The following CA10 variants were observed in gnomAD, a reference collection of about 807,000 sequenced individuals.
CA10 encodes the protein carbonic anhydrase-related protein 10.
CA10 carries 14 observed loss-of-function variants against 44.2 expected under a neutral mutation model. The ratio of observed to expected loss-of-function variants is 0.32; its 90% confidence interval spans 0.21 to 0.50. CA10 has a LOEUF of 0.50. Ranked by LOEUF, CA10 falls within the 20% of genes least tolerant of loss-of-function variation. The probability of loss-of-function intolerance (pLI) is 0.99; values close to 1 mark genes in which losing one functional copy is unlikely to be tolerated. For missense variants in CA10, 350 were observed against 409.7 expected (o/e 0.85, Z 1.26); for synonymous variants, 159 against 141.6 (o/e 1.12, Z -0.87).
At chr17:51,922,964 T>C (rs548981177) in intron 3 of CA10, among the ~76,000 whole-genome samples, 12 of 152,300 alleles carry the variant, frequency 7.9e-5, no homozygotes, top group Admixed American at 7.9e-4. Context: ...GGAAAGGATA[T>C]AATTGATATG....
intron 2 of CA10, among the ~76,000 whole-genome samples, chr17:51,942,505 TTC>T (rs1983117596): frequency 6.6e-6 from 1 of 150,730 alleles, no homozygotes; most frequent in African/African-American, 2.4e-5. Context: ...ATAATTACAC[TTC>T]CTATTAGCCA....
At chr17:51,715,434 T>A (rs1379638077) in intron 4 of CA10, among the ~76,000 whole-genome samples, 2 of 152,178 alleles carry the variant, frequency 1.3e-5, no homozygotes, top group African/African-American at 4.8e-5. Context: ...TTTTCCTTTT[T>A]AAAAATTTTT....
chr17:52,142,611 C>A (rs1317730931), intron 1 of CA10, among the ~76,000 whole-genome samples: 1 of 152,024 alleles, frequency 6.6e-6, no homozygotes, highest in Non-Finnish European at 1.5e-5. Flanking sequence ...TTACAGCAGA[C>A]AAATGCATCT....
chr17:51,644,603 C>G (rs1913241558), intron 6 of CA10, among the ~76,000 whole-genome samples: 1 of 152,060 alleles, frequency 6.6e-6, no homozygotes, highest in Non-Finnish European at 1.5e-5. Flanking sequence ...ATAAACATCT[C>G]AAGCTGAACA....
chr17:51,797,168 A>C lies in CA10; in HGVS notation c.280-49350T>G, dbSNP rs921038301. Among the ~76,000 whole-genome samples the C allele has an allele frequency of 3.9e-5, 6 of 152,310 alleles. 1 individual carries two copies. On this transcript the variant is annotated intron_variant, in intron 3 of 8. Coordinates refer to ENST00000451037, the MANE Select transcript of CA10 (RefSeq NM_020178.5). ...AGGCAGCCTTGTCATGGGTAGCTCC[A>C]GCGGTTGGTGGATGACACAGCCAAC...
intron 3 of CA10, among the ~76,000 whole-genome samples, chr17:51,913,313 T>C (rs940404914): frequency 1.3e-5 from 2 of 152,142 alleles, no homozygotes; most frequent in Non-Finnish European, 2.9e-5. Flanking sequence ...TTTTGGCAGT[T>C]GAAGAACTGA....
chr17:51,768,717 A>G (rs1905483764), intron 3 of CA10, among the ~76,000 whole-genome samples: 3 of 152,326 alleles, frequency 2.0e-5, no homozygotes, highest in Admixed American at 2.0e-4. Context: ...AACTTTGCTT[A>G]TGCTTATTAA....
chr17:51,809,721 CG>C (rs1907281544), intron 3 of CA10, among the ~76,000 whole-genome samples: 1 of 152,088 alleles, frequency 6.6e-6, no homozygotes, highest in Non-Finnish European at 1.5e-5. Context: ...GTGGACATAT[CG>C]GGGAAGATAT....
chr17:52,113,292 G>A (rs573108716), intron 1 of CA10, among the ~76,000 whole-genome samples: 1 of 152,124 alleles, frequency 6.6e-6, no homozygotes. Context: ...ACCTTTTTGA[G>A]AAATACAGAT....
intron 3 of CA10, among the ~76,000 whole-genome samples, chr17:51,906,250 T>C (rs532154320): frequency 2.0e-5 from 3 of 152,152 alleles, no homozygotes; most frequent in East Asian, 1.9e-4. Flanking sequence ...TCTCATTCTA[T>C]ATTCATTTAT....
chr17:51,808,709 G>C (rs781083145), intron 3 of CA10, among the ~76,000 whole-genome samples: 2 of 152,084 alleles, frequency 1.3e-5, no homozygotes, highest in Non-Finnish European at 2.9e-5. Context: ...ATTGTAAGTG[G>C]AAAAAGCGAG....
chr17:51,778,925 C>G (rs1905934158), intron 3 of CA10, among the ~76,000 whole-genome samples: 1 of 152,168 alleles, frequency 6.6e-6, no homozygotes, highest in Non-Finnish European at 1.5e-5. Context: ...GAGTTGGACC[C>G]AGGAACTCAG....
At chr17:51,704,365 G>A (rs919525342) in intron 4 of CA10, among the ~76,000 whole-genome samples, 2 of 152,190 alleles carry the variant, frequency 1.3e-5, no homozygotes, top group African/African-American at 2.4e-5. Flanking sequence ...AGCACAAGGC[G>A]TTAAGTCAAA....
chr17:51,909,745 G>A (rs1318873206), intron 3 of CA10, among the ~76,000 whole-genome samples: 1 of 151,982 alleles, frequency 6.6e-6, no homozygotes, highest in African/African-American at 2.4e-5. Flanking sequence ...AGATCATTTA[G>A]TACCTCTGAG....
At chr17:51,839,546 A>G (rs1978302672) in intron 3 of CA10, among the ~76,000 whole-genome samples, 2 of 147,180 alleles carry the variant, frequency 1.4e-5, no homozygotes. Context: ...ACTTTGTAGA[A>G]GAGGCAGTTA....
intron 3 of CA10, among the ~76,000 whole-genome samples, chr17:51,894,894 A>G: frequency 6.6e-6 from 1 of 152,076 alleles, no homozygotes. Context: ...AAATAATAGA[A>G]AGACTGACTT....
At chr17:51,930,906 A>C in intron 3 of CA10, 84 bp downstream of exon 3, 4 of 1,509,944 alleles carry the variant, frequency 2.6e-6, no homozygotes. Flanking sequence ...AACTCATCAC[A>C]GAGACTGAAG....
intron 2 of CA10, among the ~76,000 whole-genome samples, chr17:52,028,386 T>G (rs1986363506): frequency 6.6e-6 from 1 of 152,206 alleles, no homozygotes. Context: ...TATAGCTATC[T>G]TTCACAAAAC....
chr17:52,081,393 A>T (rs972055613), intron 1 of CA10, among the ~76,000 whole-genome samples: 1 of 152,226 alleles, frequency 6.6e-6, no homozygotes, highest in Non-Finnish European at 1.5e-5. Flanking sequence ...ATAATAGTAG[A>T]TACAGGGGAG....
Sources: gnomAD v4.1 joint callset for allele counts (sites outside exome capture counted in the v4.1 genomes callset) on GRCh38, gnomAD v4.1.1 for gene constraint, MANE v1.5 for transcripts, NCBI Gene and HGNC (gene_info 2026-07-23, HGNC 2026-07-21) for gene names.